The following GRM7 variants were observed in gnomAD, a reference collection of about 807,000 sequenced individuals.
GRM7 encodes metabotropic glutamate receptor 7.
GRM7 carries 35 observed loss-of-function variants against 84.5 expected under a neutral mutation model. That is an observed-to-expected ratio of 0.41 (90% confidence interval 0.32 to 0.55). GRM7 has a LOEUF of 0.55. Ranked by LOEUF, GRM7 falls within the 20% of genes least tolerant of loss-of-function variation. The probability of loss-of-function intolerance (pLI) is 0.19; values close to 1 mark genes in which losing one functional copy is unlikely to be tolerated. For missense variants in GRM7, 1,003 were observed against 1,194.6 expected (o/e 0.84, Z 2.36); for synonymous variants, 487 against 455.1 (o/e 1.07, Z -0.89).
At chr3:7,570,774 C>T (rs1694616186) in intron 7 of GRM7, among the ~76,000 whole-genome samples, 1 of 152,214 alleles carries the variant, frequency 6.6e-6, no homozygotes, top group Admixed American at 6.5e-5. Flanking sequence ...TGGGGGCTCT[C>T]ACCCCACATT....
chr3:7,014,107 G>A (rs1394147140), intron 1 of GRM7, among the ~76,000 whole-genome samples: 1 of 152,066 alleles, frequency 6.6e-6, no homozygotes, highest in African/African-American at 2.4e-5. Context: ...ATGCATGTGG[G>A]CTGTGGATGC....
chr3:7,306,479 T>A lies in GRM7; in HGVS notation c.879-19T>A, dbSNP rs370198574. On this transcript the variant is annotated intron_variant, in intron 3 of 9. Transcript: ENST00000357716. ...ACGTTCTTTATCATTAATATAACTTTCCATATTTCTTTCCACAGGCAGATC... is the reference window on the plus strand; with the variant it reads ...ACGTTCTTTATCATTAATATAACTTACCATATTTCTTTCCACAGGCAGATC... 1 of 1,609,538 alleles carries A rather than the reference T, an allele frequency of 6.2e-7. No homozygotes were observed. Among genetic ancestry groups the A allele is most frequent in the Non-Finnish European group, 8.5e-7 (1 of 1,175,896 alleles).
chr3:7,116,078 C>A (rs977613727), intron 1 of GRM7, among the ~76,000 whole-genome samples: 2 of 152,046 alleles, frequency 1.3e-5, no homozygotes, highest in Admixed American at 1.3e-4. Flanking sequence ...GGTTTGTTTT[C>A]CTGGATTCAT....
chr3:7,658,854 T>A (rs898500878), intron 8 of GRM7, among the ~76,000 whole-genome samples: 6 of 152,202 alleles, frequency 3.9e-5, no homozygotes, highest in African/African-American at 1.4e-4. Context: ...CTTTTCAGCT[T>A]TTTTTACATT....
chr3:6,928,354 C>T lies in GRM7; in HGVS notation c.519+66447C>T, dbSNP rs1222975121. On this transcript the variant is annotated intron_variant, in intron 1 of 9. Transcript: ENST00000357716. This position sits in a 1 kb window ranked among gnomAD's most constrained non-coding sequence, Gnocchi z 4.5. ...GAAAGTTTACTATTTGGCACTGGTC[C>T]TGCAGGAAGGTGGCAATGTTACTCA... Among the ~76,000 whole-genome samples the T allele has an allele frequency of 6.6e-6, 1 of 152,098 alleles. No homozygotes were observed. The highest frequency in any genetic ancestry group is 1.5e-5 in the Non-Finnish European group (1 of 68,016).
chr3:7,357,761 T>TCTATGCTA (rs1693475264), intron 4 of GRM7, among the ~76,000 whole-genome samples: 2 of 152,132 alleles, frequency 1.3e-5, no homozygotes, highest in Non-Finnish European at 2.9e-5. Flanking sequence ...GTCATAGCTT[T>TCTATGCTA]TGCATTCTCT....
chr3:7,296,889 C>G (rs926535380), intron 2 of GRM7, among the ~76,000 whole-genome samples: 1 of 150,814 alleles, frequency 6.6e-6, no homozygotes, highest in African/African-American at 2.4e-5. Context: ...GCTTAAGTGA[C>G]TCTCCCTCCT....
chr3:7,515,596 G>A (rs1027189114), intron 7 of GRM7, among the ~76,000 whole-genome samples: 7 of 152,134 alleles, frequency 4.6e-5, no homozygotes, highest in African/African-American at 1.4e-4. Flanking sequence ...GGCTATGATG[G>A]TTATCCTTTT....
chr3:7,383,085 C>G (rs984508441), intron 4 of GRM7, among the ~76,000 whole-genome samples: 1 of 152,174 alleles, frequency 6.6e-6, no homozygotes. Flanking sequence ...ACACTCTAGC[C>G]CCCACATCCA....
At chr3:6,959,850 GT>G in intron 1 of GRM7, among the ~76,000 whole-genome samples, 1 of 152,182 alleles carries the variant, frequency 6.6e-6, no homozygotes, top group South Asian at 2.1e-4. Context: ...TGGGAGGTTA[GT>G]TTTTTTCACA....
At chr3:7,694,452 A>G in intron 9 of GRM7, 1 of 858,704 alleles carries the variant, frequency 1.2e-6, no homozygotes, top group Non-Finnish European at 1.4e-6. Context: ...AAAGTTTAAG[A>G]ATGTCAAGCA....
At chr3:7,563,926 G>T (rs1694147506) in intron 7 of GRM7, among the ~76,000 whole-genome samples, 1 of 152,150 alleles carries the variant, frequency 6.6e-6, no homozygotes, top group Non-Finnish European at 1.5e-5. Flanking sequence ...GACCTCCTGG[G>T]CTTACATTCA....
At chr3:7,456,136 C>A (rs1697999143) in intron 6 of GRM7, among the ~76,000 whole-genome samples, 1 of 151,980 alleles carries the variant, frequency 6.6e-6, no homozygotes. Flanking sequence ...CATCATATTT[C>A]ATTTGCTGAG....
chr3:7,680,037 T>C lies in GRM7; in HGVS notation c.2452-12T>C. The C allele has an allele frequency of 6.2e-7, 1 of 1,613,600 alleles. No homozygotes were observed. Among genetic ancestry groups the C allele is most frequent in the Non-Finnish European group, 8.5e-7 (1 of 1,179,534 alleles). On this transcript the variant is annotated splice_polypyrimidine_tract_variant and intron_variant, in intron 8 of 9. Transcript: ENST00000357716. ...TTATTTGTAATAGTGCCTTGTGTGT[T>C]GTGTCTCCTAGCTCTACATACAAAC...
At chr3:6,951,084 A>G (rs9825581) in intron 1 of GRM7, among the ~76,000 whole-genome samples, 2,614 of 152,198 alleles carry the variant, frequency 0.017, 65 homozygotes, top group African/African-American at 0.058. Context: ...AGTGAGATGA[A>G]CCCAGTACCT....
At position 7,176,019 on chromosome 3, in the gene GRM7, A is replaced by G. The variant is rs1283876858; in HGVS notation, c.736+29351A>G. Among the ~76,000 whole-genome samples, 6 of 152,042 alleles carry G rather than the reference A, an allele frequency of 3.9e-5. No individual in the cohort carries two copies. The East Asian group carries it at 1.2e-3, about 29-fold the overall frequency. ...CATACCACCTGCATCGTTACATACA[A>G]TAGTTTCATGTGATTTCTAATTTTG... On this transcript the variant is annotated intron_variant, in intron 2 of 9. Transcript: ENST00000357716.
At chr3:7,537,798 G>A (rs191684396) in intron 7 of GRM7, among the ~76,000 whole-genome samples, 44 of 152,194 alleles carry the variant, frequency 2.9e-4, no homozygotes, top group African/African-American at 1.0e-3. Context: ...GCATGCAGAT[G>A]TATATCTTCA....
chr3:7,170,077 G>T (rs1694935632), intron 2 of GRM7, among the ~76,000 whole-genome samples: 1 of 152,134 alleles, frequency 6.6e-6, no homozygotes, highest in South Asian at 2.1e-4. Flanking sequence ...CCTGGGTGTT[G>T]CTGAGACTCA....
At chr3:7,000,053 A>G (rs190481161) in intron 1 of GRM7, among the ~76,000 whole-genome samples, 5 of 152,310 alleles carry the variant, frequency 3.3e-5, no homozygotes, top group East Asian at 1.9e-4. Flanking sequence ...CTGTATGAAT[A>G]TAACACAGGA....
Sources: gnomAD v4.1 joint callset for allele counts (sites outside exome capture counted in the v4.1 genomes callset) on GRCh38, gnomAD v4.1.1 for gene constraint, Gnocchi (gnomAD v3.1) non-coding constraint, MANE v1.5 for transcripts, NCBI Gene and HGNC (gene_info 2026-07-23, HGNC 2026-07-21) for gene names.